HNRNPC: variants seen among roughly 807,000 people sequenced by gnomAD.
The protein encoded by HNRNPC is heterogeneous nuclear ribonucleoproteins C1/C2.
Under a neutral mutation model 33.2 loss-of-function variants are expected in HNRNPC, and 3 were observed. The ratio of observed to expected loss-of-function variants is 0.09; its 90% CI spans 0.04 to 0.23. HNRNPC has a LOEUF of 0.23. HNRNPC is among the 10% of genes least tolerant of loss of function. The probability of loss-of-function intolerance (pLI) is 1.00; values close to 1 mark genes in which losing one functional copy is unlikely to be tolerated. For missense variants in HNRNPC, 143 were observed against 366.7 expected (o/e 0.39, Z 4.98); for synonymous variants, 121 against 126.7 (o/e 0.96, Z 0.30).
At chr14:21,256,762 C>T (rs1877289675) in intron 2 of HNRNPC, among the ~76,000 whole-genome samples, 2 of 152,122 alleles carry the variant, frequency 1.3e-5, no homozygotes, top group African/African-American at 2.4e-5. Flanking sequence ...TCAAGCGATT[C>T]TCATGCCTGT....
intron 3 of HNRNPC, chr14:21,231,342 T>G (rs1450331588): frequency 1.8e-6 from 1 of 548,490 alleles, no homozygotes; most frequent in Non-Finnish European, 3.5e-6. Flanking sequence ...ACACATAAAT[T>G]AGAAAATGTG....
intron 5 of HNRNPC, among the ~76,000 whole-genome samples, chr14:21,225,468 G>A (rs551392866): frequency 3.3e-5 from 5 of 151,616 alleles, no homozygotes; most frequent in South Asian, 2.1e-4. Flanking sequence ...GAGATGAGAC[G>A]ACTCAAGAAA....
chr14:21,229,469 C>T (rs1198121597), intron 5 of HNRNPC, among the ~76,000 whole-genome samples: 2 of 152,056 alleles, frequency 1.3e-5, no homozygotes, highest in African/African-American at 2.4e-5. Context: ...TTTATTATGG[C>T]ATTCAAGGCC....
chr14:21,245,573 G>A (rs148433790), intron 2 of HNRNPC, among the ~76,000 whole-genome samples: 188 of 152,186 alleles, frequency 1.2e-3, no homozygotes, highest in Middle Eastern at 3.4e-3. Context: ...AGGACTGAAC[G>A]TTGCTTTTGG....
intron 2 of HNRNPC, among the ~76,000 whole-genome samples, chr14:21,259,882 C>CAAAAAAAAA (rs5807071): frequency 1.5e-5 from 2 of 132,898 alleles, no homozygotes; most frequent in Non-Finnish European, 3.1e-5. Context: ...CTGTCTCCAC[C>CAAAAAAAAA]AAAAAAAAAA....
intron 5 of HNRNPC, among the ~76,000 whole-genome samples, chr14:21,222,709 G>T (rs1210739220): frequency 2.0e-5 from 3 of 151,952 alleles, no homozygotes; most frequent in Non-Finnish European, 4.4e-5. Flanking sequence ...TGGCAAATAC[G>T]GTGAAACTGC....
chr14:21,252,063 G>A (rs1896737639), intron 2 of HNRNPC, among the ~76,000 whole-genome samples: 2 of 152,118 alleles, frequency 1.3e-5, no homozygotes, highest in Non-Finnish European at 2.9e-5. Context: ...CTAAATTTGA[G>A]AATAGTAAAA....
In HNRNPC at chr14:21,210,893, A is replaced by C; in HGVS notation, c.*330T>G. On this transcript the variant is annotated 3_prime_UTR_variant, in exon 9 of 9. Coordinates refer to ENST00000553300, the MANE Select transcript of HNRNPC (RefSeq NM_004500.4). Reference sequence around the variant, plus strand: ...CTGAACTTATGTATGAATGAAAAGAACTGTACTCCCTGCATAACAAGAGAT... The same window carrying C: ...CTGAACTTATGTATGAATGAAAAGACCTGTACTCCCTGCATAACAAGAGAT... The C allele has an allele frequency of 3.2e-6, 1 of 312,684 alleles. No homozygotes were observed. Among genetic ancestry groups the C allele is most frequent in the Non-Finnish European group, 6.0e-6 (1 of 166,650 alleles). The allele number at this position is 312,684 out of a possible 1,614,324, so 19.4% of individuals were successfully genotyped here.
intron 5 of HNRNPC, among the ~76,000 whole-genome samples, chr14:21,226,848 C>A (rs1373221112): frequency 3.0e-5 from 4 of 131,410 alleles, no homozygotes; most frequent in African/African-American, 1.2e-4. Flanking sequence ...CCACTGCACT[C>A]CAGCCTGAGT....
chr14:21,266,878 C>G (rs1302524216), intron 1 of HNRNPC, among the ~76,000 whole-genome samples: 12 of 151,600 alleles, frequency 7.9e-5, no homozygotes, highest in African/African-American at 2.4e-4. Flanking sequence ...ACTCCCTGAG[C>G]TCAGGAGTTC....
At chr14:21,261,448 A>G (rs1594336087) in intron 2 of HNRNPC, among the ~76,000 whole-genome samples, 2 of 152,198 alleles carry the variant, frequency 1.3e-5, no homozygotes, top group Non-Finnish European at 2.9e-5. Flanking sequence ...CTTTTTCTAG[A>G]TAACTTCCAG....
At chr14:21,212,238 A>T (rs574767002) in intron 6 of HNRNPC, among the ~76,000 whole-genome samples, 37 of 152,150 alleles carry the variant, frequency 2.4e-4, no homozygotes, top group Admixed American at 9.2e-4. Flanking sequence ...TACAGCCTAG[A>T]TCCCCAGGGT....
At chr14:21,239,204 CAGT>C (rs1460598151) in intron 2 of HNRNPC, among the ~76,000 whole-genome samples, 1 of 152,170 alleles carries the variant, frequency 6.6e-6, no homozygotes, top group Admixed American at 6.5e-5. Context: ...AAAAGTGAAG[CAGT>C]AGTTTAGTCA....
intron 5 of HNRNPC, among the ~76,000 whole-genome samples, chr14:21,215,045 T>C (rs1892012378): frequency 6.6e-6 from 1 of 152,244 alleles, no homozygotes; most frequent in African/African-American, 2.4e-5. Context: ...TACTATTTCG[T>C]CTGACCACAG....
intron 5 of HNRNPC, among the ~76,000 whole-genome samples, chr14:21,225,971 A>G (rs1298198354): frequency 6.6e-6 from 1 of 152,156 alleles, no homozygotes; most frequent in Non-Finnish European, 1.5e-5. Context: ...ACAAATCAGA[A>G]AACACATATA....
rs1594195204 is a variant in HNRNPC at position 21,214,211 on chromosome 14, T to C, written c.366-1094A>G. 1.3e-5 allele frequency among the ~76,000 whole-genome samples: 2 copies of C among 152,180 alleles called. 1 individual carries two copies. The highest frequency in any genetic ancestry group is 3.8e-4 in the East Asian group (2 of 5,200). Reference sequence around the variant, plus strand: ...CTACCAACTGTTCTAACTCCAAATATTTCTTAAAAAACAAATGTGATAGTC... The same window carrying C: ...CTACCAACTGTTCTAACTCCAAATACTTCTTAAAAAACAAATGTGATAGTC... On this transcript the variant is annotated intron_variant, in intron 5 of 8. Transcript: ENST00000553300.
intron 2 of HNRNPC, among the ~76,000 whole-genome samples, chr14:21,257,535 A>T (rs1477857421): frequency 1.3e-5 from 2 of 151,904 alleles, no homozygotes; most frequent in Non-Finnish European, 2.9e-5. Flanking sequence ...TTCTAACTGA[A>T]GTTCACTTCG....
chr14:21,224,494 A>T (rs1231666404), intron 5 of HNRNPC, among the ~76,000 whole-genome samples: 1 of 152,078 alleles, frequency 6.6e-6, no homozygotes, highest in Non-Finnish European at 1.5e-5. Flanking sequence ...CGAAGACAAA[A>T]TCTCAGCTTT....
chr14:21,226,327 G>GAAAA (rs374686866), intron 5 of HNRNPC, among the ~76,000 whole-genome samples: 55 of 110,548 alleles, frequency 5.0e-4, no homozygotes, highest in Non-Finnish European at 5.6e-4. Flanking sequence ...GTTTCCAAAA[G>GAAAA]AAAAAAAAAA....
Sources: gnomAD v4.1 joint callset for allele counts (sites outside exome capture counted in the v4.1 genomes callset) on GRCh38, gnomAD v4.1.1 for gene constraint, MANE v1.5 for transcripts, NCBI Gene and HGNC (gene_info 2026-07-23, HGNC 2026-07-21) for gene names.